KBTBD11: variants seen among roughly 807,000 people sequenced by gnomAD.
The protein encoded by KBTBD11 is kelch repeat and BTB domain-containing protein 11.
For synonymous variants in KBTBD11, 747 were observed against 499.0 expected (o/e 1.50, Z -6.63); for missense variants, 1,390 against 1,001.8 (o/e 1.39, Z -5.23).
intron 1 of KBTBD11, among the ~76,000 whole-genome samples, chr8:1,992,928 C>T (rs1234766224): frequency 1.3e-5 from 2 of 151,440 alleles, no homozygotes; most frequent in African/African-American, 4.9e-5. Context: ...TAAAAACTTG[C>T]TTTTATTTTG....
At chr8:1,980,725 G>A (rs904899353) in intron 1 of KBTBD11, among the ~76,000 whole-genome samples, 2 of 152,192 alleles carry the variant, frequency 1.3e-5, no homozygotes, top group East Asian at 1.9e-4. Context: ...CCACGCAGCC[G>A]CCAGGGCAGG....
chr8:2,002,244 G>C lies in KBTBD11; in HGVS notation c.1052G>C (p.Gly351Ala), dbSNP rs1432038286. 4 of 1,292,072 alleles carry C rather than the reference G, an allele frequency of 3.1e-6. No individual in the cohort carries two copies. The Admixed American group carries it at 1.7e-4, about 56-fold the overall frequency. 80.0% of individuals were successfully genotyped at this position (1,292,072 alleles called of 1,614,324 possible). A position where few individuals can be genotyped will look rare whatever the true frequency, so the allele number is the denominator to read the frequency against. ...CTGCCCGAGGGCGCGCCGGCGCGGG[G>C]CTGCGGCCTGTGCGTCCTCTACAAC... Reference protein sequence around the residue: ...TRLPEGAPARGCGLCVLYNYL... With the variant: ...TRLPEGAPARACGLCVLYNYL... The change falls in exon 2 of 2, where the codon GGC (glycine) becomes GCC (alanine). Residue 351 changes from glycine (G) to alanine (A), a missense_variant. Gly to Ala is a moderately conservative substitution (Grantham distance 60). Coordinates refer to ENST00000320248, the MANE Select transcript of KBTBD11 (RefSeq NM_014867.3). The surrounding 1 kb of genome is among the most constrained non-coding windows in gnomAD (Gnocchi z 4.1).
chr8:1,996,777 A>G (rs181260758), intron 1 of KBTBD11, among the ~76,000 whole-genome samples: 8 of 152,230 alleles, frequency 5.3e-5, no homozygotes, highest in African/African-American at 7.2e-5. Flanking sequence ...TTGGGAAATC[A>G]TACAAAATCT....
At chr8:1,977,698 A>AT (rs11365795) in intron 1 of KBTBD11, among the ~76,000 whole-genome samples, 122 of 151,194 alleles carry the variant, frequency 8.1e-4, no homozygotes, top group Middle Eastern at 3.4e-3. Flanking sequence ...TTATTTATTT[A>AT]TTTTTTTTTG....
At chr8:1,993,387 G>GTCCA (rs1816993499) in intron 1 of KBTBD11, among the ~76,000 whole-genome samples, 1 of 104,056 alleles carries the variant, frequency 9.6e-6, no homozygotes. Flanking sequence ...CCGTCCGTCC[G>GTCCA]TCCGTCCATC....
chr8:1,998,041 C>G (rs1041335949), intron 1 of KBTBD11, among the ~76,000 whole-genome samples: 2 of 152,224 alleles, frequency 1.3e-5, no homozygotes, highest in Non-Finnish European at 2.9e-5. Context: ...AGAACCAGTT[C>G]TAACCCAGGT....
intron 1 of KBTBD11, chr8:1,975,963 C>T (rs890016750): frequency 6.6e-6 from 1 of 152,256 alleles, no homozygotes; most frequent in African/African-American, 2.4e-5. Context: ...TACAGAGAGA[C>T]TCTCCGTGCT....
In KBTBD11 at chr8:1,981,567, G is replaced by C. The variant is rs147057611; in HGVS notation, c.-909+7632G>C. ...TAAAGTATTATTTCTGGAAGTGTCTGTGAGGGTGTTCCTGGAAGAGATTGG... is the reference window on the plus strand; with the variant it reads ...TAAAGTATTATTTCTGGAAGTGTCTCTGAGGGTGTTCCTGGAAGAGATTGG... On this transcript the variant is annotated intron_variant, in intron 1 of 1. Coordinates refer to ENST00000320248, the MANE Select transcript of KBTBD11 (RefSeq NM_014867.3). Among the ~76,000 whole-genome samples, 630 of 152,328 alleles carry C rather than the reference G, an allele frequency of 4.1e-3. 8 individuals carry two copies. Among genetic ancestry groups the C allele is most frequent in the African/African-American group, 0.014 (583 of 41,576 alleles).
Position 2,001,934 on chromosome 8 carries a change from C to A in KBTBD11, c.742C>A (p.Leu248Met). 2 of 1,467,836 alleles carry A rather than the reference C, an allele frequency of 1.4e-6. No homozygotes were observed. Among genetic ancestry groups the A allele is most frequent in the South Asian group, 2.4e-5 (2 of 82,672 alleles). 90.9% of individuals were successfully genotyped at this position (1,467,836 alleles called of 1,614,324 possible). A position where few individuals can be genotyped will look rare whatever the true frequency, so the allele number is the denominator to read the frequency against. The change falls in exon 2 of 2, where the codon CTG becomes ATG. Residue 248 changes from leucine to methionine, a missense_variant. Leu to Met is a conservative substitution (Grantham distance 15, BLOSUM62 2). Coordinates refer to ENST00000320248, the MANE Select transcript of KBTBD11 (RefSeq NM_014867.3). ...CCTGAGCGCGGCCAAGCGGCAGCGG[C>A]TGAACGAGCTGCGCGACGCCGCCTA... Reference protein sequence around the residue: ...EVLSAAKRQRLNELRDAAYCF... With the variant: ...EVLSAAKRQRMNELRDAAYCF...
chr8:2,001,623 T>A lies in KBTBD11; in HGVS notation c.431T>A (p.Leu144Gln). The change falls in exon 2 of 2, where the codon CTG (leucine) becomes CAG (glutamine). Residue 144 changes from leucine (L) to glutamine (Q), a missense_variant. Coordinates refer to ENST00000320248, the MANE Select transcript of KBTBD11 (RefSeq NM_014867.3). The stretch of plus-strand genomic sequence containing the variant: ...GTGTACGGGGAGCCGGACCTGGTGC[T>A]GGAGGTGTCGGGGCGCCGGCTGCGC... ...GAVYGEPDLV[L>Q]EVSGRRLRAH... The A allele has an allele frequency of 2.0e-6, 3 of 1,479,900 alleles. No homozygotes were observed. Among genetic ancestry groups the A allele is most frequent in the Non-Finnish European group, 2.7e-6 (3 of 1,120,890 alleles). The allele number at this position is 1,479,900 out of a possible 1,614,324, so 91.7% of individuals were successfully genotyped here.
chr8:1,989,648 G>T (rs1816834714), intron 1 of KBTBD11, among the ~76,000 whole-genome samples: 1 of 152,194 alleles, frequency 6.6e-6, no homozygotes, highest in Non-Finnish European at 1.5e-5. Context: ...TTTCACAGCT[G>T]AGGTGTCCCC....
At chr8:1,994,084 G>A (rs996294800) in intron 1 of KBTBD11, among the ~76,000 whole-genome samples, 3 of 152,112 alleles carry the variant, frequency 2.0e-5, no homozygotes, top group South Asian at 4.1e-4. Context: ...TTCGTTTACC[G>A]GCCTACGGAG....
chr8:1,985,115 A>T (rs1585730682), intron 1 of KBTBD11, among the ~76,000 whole-genome samples: 1 of 152,354 alleles, frequency 6.6e-6, no homozygotes, highest in African/African-American at 2.4e-5. Flanking sequence ...TGTTGCCGAC[A>T]GCCAGTCAGA....
chr8:2,003,678 G>A lies in KBTBD11; in HGVS notation c.*614G>A, dbSNP rs577186675. On this transcript the variant is annotated 3_prime_UTR_variant, in exon 2 of 2. Transcript: ENST00000320248. Reference sequence around the variant, plus strand: ...GTTTCTTGTTCAATATGCATTGGAAGTATTTCCTTCCCCACACCATTGCTA... The same window carrying A: ...GTTTCTTGTTCAATATGCATTGGAAATATTTCCTTCCCCACACCATTGCTA... 3.0e-5 allele frequency: 5 copies of A among 167,180 alleles called. No individual in the cohort carries two copies. The highest frequency in any genetic ancestry group is 3.9e-4 in the East Asian group (2 of 5,190). The allele number at this position is 167,180 out of a possible 1,614,324, so 10.4% of individuals were successfully genotyped here. A position where few individuals can be genotyped will look rare whatever the true frequency, so the allele number is the denominator to read the frequency against.
chr8:1,996,845 T>C (rs1192354177), intron 1 of KBTBD11, among the ~76,000 whole-genome samples: 1 of 152,160 alleles, frequency 6.6e-6, no homozygotes, highest in Non-Finnish European at 1.5e-5. Context: ...AGTTTAGATA[T>C]TTATAAGGCC....
At chr8:2,000,033 T>A (rs1817280975) in intron 1 of KBTBD11, among the ~76,000 whole-genome samples, 2 of 152,184 alleles carry the variant, frequency 1.3e-5, no homozygotes, top group South Asian at 4.1e-4. Flanking sequence ...TGGTGCCAAT[T>A]GCTTGAACTG....
At chr8:1,985,998 TC>T (rs1308449238) in intron 1 of KBTBD11, among the ~76,000 whole-genome samples, 2 of 152,260 alleles carry the variant, frequency 1.3e-5, no homozygotes, top group Non-Finnish European at 2.9e-5. Flanking sequence ...AACTGTCTCT[TC>T]CTGCTCACAT....
At chr8:1,990,430 C>T (rs540415257) in intron 1 of KBTBD11, among the ~76,000 whole-genome samples, 18 of 115,320 alleles carry the variant, frequency 1.6e-4, no homozygotes, top group East Asian at 5.6e-4. Context: ...GCGCCCTGTC[C>T]GGGTAGATGC....
chr8:1,979,077 C>T (rs12675906), intron 1 of KBTBD11, among the ~76,000 whole-genome samples: 105,408 of 151,612 alleles, frequency 0.7, 36,771 homozygotes, highest in East Asian at 0.82. Context: ...CATGTGTGTG[C>T]ATGTGTCTGC....
Sources: allele counts gnomAD v4.1 joint callset (sites outside exome capture counted in the v4.1 genomes callset), GRCh38; gene constraint gnomAD v4.1.1; non-coding constraint Gnocchi (gnomAD v3.1); transcripts MANE v1.5; gene names NCBI Gene and HGNC (gene_info 2026-07-23, HGNC 2026-07-21).